RASGEF1A: variants seen among roughly 807,000 people sequenced by gnomAD.
RASGEF1A encodes the protein ras-GEF domain-containing family member 1A.
A neutral mutation model predicts 56.4 loss-of-function variants in RASGEF1A; 18 were observed. That is an observed-to-expected ratio of 0.32 (90% CI 0.22 to 0.47). The LOEUF is 0.47. Among genes scored for constraint, RASGEF1A ranks in the 20% least tolerant of loss-of-function variants. RASGEF1A has a pLI of 1.00. For synonymous variants in RASGEF1A, 245 were observed against 242.6 expected, an observed-to-expected ratio of 1.01 and a Z score of -0.09; for missense variants, 422 against 627.1, an observed-to-expected ratio of 0.67 and a Z score of 3.49.
At chr10:43,200,082 G>A (rs890499207) in intron 6 of RASGEF1A, 100 bp downstream of exon 6, 12 of 972,836 alleles carry the variant, frequency 1.2e-5, no homozygotes, top group South Asian at 4.4e-5. Flanking sequence ...CTCCGGAGAC[G>A]CTCGGGGCGT....
intron 1 of RASGEF1A, among the ~76,000 whole-genome samples, chr10:43,259,210 G>A (rs1836483575): frequency 6.6e-6 from 1 of 152,230 alleles, no homozygotes; most frequent in Admixed American, 6.5e-5. Context: ...CAGTGCTGTG[G>A]GATGCAGGAG....
intron 1 of RASGEF1A, among the ~76,000 whole-genome samples, chr10:43,254,955 C>T (rs1192076558): frequency 6.6e-6 from 1 of 152,080 alleles, no homozygotes; most frequent in Admixed American, 6.5e-5. Context: ...TATCCCCGCA[C>T]TCCTGACACA....
At chr10:43,199,794 G>C (rs1839864953) in intron 6 of RASGEF1A, 26 bp from the exon 7 acceptor site, 1 of 1,585,464 alleles carries the variant, frequency 6.3e-7, no homozygotes, top group South Asian at 1.1e-5. Context: ...CAGGTCATAG[G>C]GGGCCTGGAG....
chr10:43,222,732 T>C (rs1840224359), intron 1 of RASGEF1A, among the ~76,000 whole-genome samples: 1 of 152,222 alleles, frequency 6.6e-6, no homozygotes, highest in Admixed American at 6.5e-5. Flanking sequence ...AGCAAATTAA[T>C]TGAATCTGAG....
At chr10:43,227,661 G>A (rs1286143790) in intron 1 of RASGEF1A, among the ~76,000 whole-genome samples, 1 of 152,114 alleles carries the variant, frequency 6.6e-6, no homozygotes, top group East Asian at 1.9e-4. Context: ...GGTGGAGCAA[G>A]CCAGGCTCTG....
intron 1 of RASGEF1A, among the ~76,000 whole-genome samples, chr10:43,259,965 A>G (rs1836496877): frequency 6.6e-6 from 1 of 152,094 alleles, no homozygotes; most frequent in African/African-American, 2.4e-5. Context: ...GGCACCAGAG[A>G]ACCACACCAC....
chr10:43,223,745 G>C (rs1840238034), intron 1 of RASGEF1A, among the ~76,000 whole-genome samples: 1 of 152,102 alleles, frequency 6.6e-6, no homozygotes, highest in South Asian at 2.1e-4. Flanking sequence ...AGAAAGGGAG[G>C]GAGGGCCAGG....
chr10:43,204,146 C>T (rs889974553), intron 2 of RASGEF1A, among the ~76,000 whole-genome samples: 1 of 152,198 alleles, frequency 6.6e-6, no homozygotes, highest in Non-Finnish European at 1.5e-5. Flanking sequence ...CTAGCTCCTG[C>T]TTGTGGACAG....
At position 43,200,264 on chromosome 10, in the gene RASGEF1A, G is replaced by A. The variant is rs1343880815; in HGVS notation, c.682-8C>T. 1.2e-5 allele frequency: 19 copies of A among 1,599,910 alleles called. No homozygotes were observed. Among genetic ancestry groups the A allele is most frequent in the Non-Finnish European group, 1.5e-5 (18 of 1,172,048 alleles). ...AATGCTGCTGACCCTGTCCTGGGGT[G>A]GAAGATAGCAAAGGGAAGGTGACAA... On this transcript the variant is annotated splice_region_variant and splice_polypyrimidine_tract_variant and intron_variant, in intron 5 of 12. Coordinates refer to ENST00000395810, the MANE Select transcript of RASGEF1A (RefSeq NM_145313.4).
chr10:43,203,574 G>T, intron 2 of RASGEF1A, 154 bp from the exon 3 acceptor site: 1 of 1,320,742 alleles, frequency 7.6e-7, no homozygotes, highest in Non-Finnish European at 1.0e-6. Flanking sequence ...CGCCTTGCAG[G>T]CCCTTCCTCC....
Position 43,197,996 on chromosome 10 carries a change from G to A in RASGEF1A, c.1224+8C>T, listed in dbSNP as rs780672051. 1 of 1,604,222 alleles carries A rather than the reference G, an allele frequency of 6.2e-7. No individual in the cohort carries two copies. The highest frequency in any genetic ancestry group is 8.5e-7 in the Non-Finnish European group (1 of 1,172,692). The stretch of plus-strand genomic sequence containing the variant: ...CGCCTGGCCTGCCCTGTGCTGGGAT[G>A]AGCTCACCTTAAAGTTAATGTGCCC... On this transcript the variant is annotated splice_region_variant and intron_variant, in intron 10 of 12. Transcript: ENST00000395810.
At chr10:43,229,469 C>T (rs1232515157) in intron 1 of RASGEF1A, among the ~76,000 whole-genome samples, 1 of 152,182 alleles carries the variant, frequency 6.6e-6, no homozygotes, top group East Asian at 1.9e-4. Flanking sequence ...CGCCGCCCAC[C>T]GGGCAGTAGG....
chr10:43,216,198 CT>C (rs1356812351), intron 1 of RASGEF1A, among the ~76,000 whole-genome samples: 2 of 152,182 alleles, frequency 1.3e-5, no homozygotes, highest in African/African-American at 4.8e-5. Context: ...AGCGGGGGCG[CT>C]GGAGCCACCA....
chr10:43,210,777 G>A (rs1406939712), intron 1 of RASGEF1A, among the ~76,000 whole-genome samples: 1 of 152,240 alleles, frequency 6.6e-6, no homozygotes, highest in Non-Finnish European at 1.5e-5. Context: ...GGGCCAGCCA[G>A]TGTGCCAGAC....
intron 1 of RASGEF1A, among the ~76,000 whole-genome samples, chr10:43,221,383 C>T (rs1245114174): frequency 6.6e-6 from 1 of 152,240 alleles, no homozygotes; most frequent in African/African-American, 2.4e-5. Context: ...AAGCCAGACA[C>T]AGCCGTCTCC....
At chr10:43,237,461 C>CG (rs1840445539) in intron 1 of RASGEF1A, among the ~76,000 whole-genome samples, 1 of 144,896 alleles carries the variant, frequency 6.9e-6, no homozygotes, top group Admixed American at 7.0e-5. Flanking sequence ...CCCTCCCCCC[C>CG]ACCTCCATTT....
intron 1 of RASGEF1A, among the ~76,000 whole-genome samples, chr10:43,243,379 CGGG>C (rs1840528768): frequency 1.4e-5 from 2 of 138,358 alleles, no homozygotes; most frequent in Admixed American, 7.2e-5. Flanking sequence ...CTGCCCCGTC[CGGG>C]AGGTGAGGGG....
chr10:43,207,106 G>A lies in RASGEF1A; in HGVS notation c.-6-984C>T, dbSNP rs893974631. ...GGGAGGAGCCAAGTGGGGACTGGAC[G>A]ATGCAGCAACTGCCAGCCTGAGGGC... On this transcript the variant is annotated intron_variant, in intron 1 of 12. Coordinates refer to ENST00000395810, the MANE Select transcript of RASGEF1A (RefSeq NM_145313.4). 12 of 985,410 alleles carry A rather than the reference G, an allele frequency of 1.2e-5. No individual in the cohort carries two copies. The Admixed American group carries it at 3.7e-4, about 30-fold the overall frequency. The allele number at this position is 985,410 out of a possible 1,614,324, so 61.0% of individuals were successfully genotyped here. A position where few individuals can be genotyped will look rare whatever the true frequency, so the allele number is the denominator to read the frequency against.
chr10:43,242,992 A>C, intron 1 of RASGEF1A, among the ~76,000 whole-genome samples: 1 of 142,334 alleles, frequency 7.0e-6, no homozygotes, highest in African/African-American at 2.6e-5. Context: ...CTGGCCGCCC[A>C]TCGTCTGGGA....
Sources: gnomAD v4.1 joint callset for allele counts (sites outside exome capture counted in the v4.1 genomes callset) on GRCh38, gnomAD v4.1.1 for gene constraint, MANE v1.5 for transcripts, NCBI Gene and HGNC (gene_info 2026-07-23, HGNC 2026-07-21) for gene names.